Variants in EML6 observed in about 807,000 individuals in gnomAD.
EML6 encodes echinoderm microtubule-associated protein-like 6.
EML6 carries 154 observed loss-of-function variants against 240.1 expected under a neutral mutation model. That is an observed-to-expected ratio of 0.64 (90% CI 0.56 to 0.73). EML6 has a LOEUF of 0.73. EML6 is among the 30% of genes least tolerant of loss of function. The probability of loss-of-function intolerance (pLI) is 0.00; values close to 1 mark genes in which losing one functional copy is unlikely to be tolerated. For missense variants in EML6, 2,964 were observed against 2,474.6 expected, an observed-to-expected ratio of 1.20 and a Z score of -4.20; for synonymous variants, 1,148 against 899.0, an observed-to-expected ratio of 1.28 and a Z score of -4.95.
Position 54,970,955 on chromosome 2 carries a change from A to G in EML6, c.*860A>G, listed in dbSNP as rs1676964669. On this transcript the variant is annotated 3_prime_UTR_variant, in exon 42 of 42. Coordinates refer to ENST00000356458, the MANE Select transcript of EML6 (RefSeq NM_001039753.4). ...GTTTCATGCCAAACCCACAAAATCC[A>G]AAATAGAATTCAAGTTAAACAAACT... is the stretch of plus-strand genomic sequence containing the variant. 6.6e-6 allele frequency: 1 copy of G among 152,264 alleles called. No homozygotes were observed. The highest frequency in any genetic ancestry group is 2.4e-5 in the African/African-American group (1 of 41,468). The allele number at this position is 152,264 out of a possible 1,614,324, so 9.4% of individuals were successfully genotyped here. A position where few individuals can be genotyped will look rare whatever the true frequency, so the allele number is the denominator to read the frequency against.
intron 17 of EML6, among the ~76,000 whole-genome samples, chr2:54,883,213 A>T (rs955324151): frequency 1.3e-5 from 2 of 151,930 alleles, no homozygotes; most frequent in African/African-American, 4.8e-5. Context: ...TTTAGTGTGT[A>T]TTTTTCTAGT....
At chr2:54,801,319 G>GGA (rs375003269) in intron 2 of EML6, among the ~76,000 whole-genome samples, 2 of 94,948 alleles carry the variant, frequency 2.1e-5, no homozygotes, top group African/African-American at 8.6e-5. Flanking sequence ...TGTCTCAAAA[G>GGA]AAAAAAAAAA....
chr2:54,884,963 C>A (rs897924931), intron 17 of EML6, among the ~76,000 whole-genome samples: 2 of 152,072 alleles, frequency 1.3e-5, no homozygotes, highest in African/African-American at 4.8e-5. Flanking sequence ...CACTTGAGGT[C>A]AGGAGTTGCA....
At chr2:54,926,130 GTC>G (rs886683922) in intron 26 of EML6, among the ~76,000 whole-genome samples, 7 of 152,302 alleles carry the variant, frequency 4.6e-5, no homozygotes, top group African/African-American at 1.7e-4. Context: ...TTAAGATGGA[GTC>G]TCACTGTTGC....
At chr2:54,892,969 A>C (rs755764121) in intron 19 of EML6, among the ~76,000 whole-genome samples, 16 of 152,176 alleles carry the variant, frequency 1.1e-4, no homozygotes, top group Admixed American at 3.9e-4. Flanking sequence ...AGTCCTGAGA[A>C]ATACTTCAGC....
chr2:54,957,444 TGTG>T (rs1351041924), intron 32 of EML6, among the ~76,000 whole-genome samples: 1 of 150,224 alleles, frequency 6.7e-6, no homozygotes, highest in East Asian at 2.0e-4. Flanking sequence ...GGACGACTCC[TGTG>T]GTGATGCTGG....
At chr2:54,851,748 C>G (rs940110900) in intron 10 of EML6, among the ~76,000 whole-genome samples, 2 of 152,032 alleles carry the variant, frequency 1.3e-5, no homozygotes, top group Non-Finnish European at 2.9e-5. Flanking sequence ...TAATGTGTAC[C>G]TAAAAAGTTG....
At chr2:54,865,576 G>T (rs548917926) in intron 13 of EML6, among the ~76,000 whole-genome samples, 1 of 152,146 alleles carries the variant, frequency 6.6e-6, no homozygotes, top group African/African-American at 2.4e-5. Flanking sequence ...CCAAAACTTC[G>T]TAAGTACTGG....
At chr2:54,889,316 T>C (rs1449571445) in intron 17 of EML6, among the ~76,000 whole-genome samples, 1 of 151,898 alleles carries the variant, frequency 6.6e-6, no homozygotes, top group African/African-American at 2.4e-5. Context: ...TCAAATTGTC[T>C]AACTCCAGAT....
At chr2:54,855,091 A>G (rs1477240288) in intron 11 of EML6, among the ~76,000 whole-genome samples, 1 of 152,268 alleles carries the variant, frequency 6.6e-6, no homozygotes, top group African/African-American at 2.4e-5. Flanking sequence ...TGGATCTATT[A>G]GAAAAGAAAG....
At chr2:54,887,583 C>T (rs1252818292) in intron 17 of EML6, among the ~76,000 whole-genome samples, 1 of 152,082 alleles carries the variant, frequency 6.6e-6, no homozygotes, top group Non-Finnish European at 1.5e-5. Flanking sequence ...AAATACTGCC[C>T]ATTCTCACAT....
chr2:54,819,181 G>A (rs1288067693), intron 4 of EML6, among the ~76,000 whole-genome samples: 1 of 152,092 alleles, frequency 6.6e-6, no homozygotes, highest in Non-Finnish European at 1.5e-5. Flanking sequence ...AAAAGTTAGT[G>A]GTCTAGGTTA....
rs550913577 is a variant in EML6, at chr2:54,813,232, C to T, written c.198C>T (p.Ser66=). ...TGAAAAGAAACCTTTTCTCTTTCAGCCTTGCCTTACACCCAGACAAAACTC... is the reference window on the plus strand; with the variant it reads ...TGAAAAGAAACCTTTTCTCTTTCAGTCTTGCCTTACACCCAGACAAAACTC... ...FFLGHNDDII[S]LALHPDKTLV... The change falls in exon 3 of 42, where the codon AGC becomes AGT. Residue 66 remains serine (S), a splice_region_variant and synonymous_variant. Coordinates refer to ENST00000356458, the MANE Select transcript of EML6 (RefSeq NM_001039753.4). 40 of 1,543,638 alleles carry T rather than the reference C, an allele frequency of 2.6e-5. No individual in the cohort carries two copies. In the African/African-American group the frequency reaches 4.9e-4, roughly 19 times the overall value.
intron 8 of EML6, 144 bp from the exon 9 acceptor site, chr2:54,847,342 A>C (rs1669819683): frequency 1.4e-6 from 1 of 707,724 alleles, no homozygotes; most frequent in African/African-American, 1.8e-5. Flanking sequence ...ACTCGCTGAC[A>C]GGCCATGATA....
intron 36 of EML6, 117 bp from the exon 37 acceptor site, chr2:54,963,869 T>C (rs974026247): frequency 1.2e-6 from 1 of 831,390 alleles, no homozygotes; most frequent in Non-Finnish European, 1.8e-6. Context: ...GCAAGAGATT[T>C]GGTGGCCTGC....
At chr2:54,846,111 C>T (rs535143682) in intron 8 of EML6, among the ~76,000 whole-genome samples, 2 of 152,288 alleles carry the variant, frequency 1.3e-5, no homozygotes, top group East Asian at 1.9e-4. Context: ...TCGTTTGCCA[C>T]TTCTCCAGCA....
At chr2:54,906,963 G>A (rs960281308) in intron 24 of EML6, among the ~76,000 whole-genome samples, 2 of 152,174 alleles carry the variant, frequency 1.3e-5, no homozygotes, top group Admixed American at 6.5e-5. Flanking sequence ...AGAGCCAGCT[G>A]GCTTCTCAGG....
intron 38 of EML6, 90 bp downstream of exon 38, chr2:54,964,823 C>G (rs1408174417): frequency 1.9e-5 from 24 of 1,234,592 alleles, no homozygotes; most frequent in Non-Finnish European, 2.7e-5. Context: ...TACTGTGTAC[C>G]AGGCAATGTG....
At position 54,869,233 on chromosome 2, in the gene EML6, G is replaced by A; in HGVS notation, c.2104G>A (p.Val702Ile). The change falls in exon 15 of 42, where the codon GTA (valine) becomes ATA (isoleucine). Residue 702 changes from valine to isoleucine, a missense_variant. Transcript: ENST00000356458. ...TCTGTTCTACACACAAGCTGGAGAA[G>A]TAGTCTACCACATTGCTGCAGTTGC... ...NNLFYTQAGEVVYHIAAVAVV... is the reference protein window; with the variant it reads ...NNLFYTQAGEIVYHIAAVAVV... 2 of 1,551,804 alleles carry A rather than the reference G, an allele frequency of 1.3e-6. No individual in the cohort carries two copies. The highest frequency in any genetic ancestry group is 2.4e-5 in the East Asian group (1 of 40,912).
Sources: gnomAD v4.1 joint callset for allele counts (sites outside exome capture counted in the v4.1 genomes callset) on GRCh38, gnomAD v4.1.1 for gene constraint, MANE v1.5 for transcripts, NCBI Gene and HGNC (gene_info 2026-07-23, HGNC 2026-07-21) for gene names.